The following COMMD8 variants were observed in gnomAD, a reference collection of about 807,000 sequenced individuals.
The protein encoded by COMMD8 is COMM domain-containing protein 8.
In COMMD8, 28 loss-of-function variants were observed where a neutral mutation model predicts 27.2. That is an observed-to-expected ratio of 1.03 (90% confidence interval 0.76 to 1.41). The LOEUF is 1.41. Ranked by LOEUF, COMMD8 falls within the 40% of genes most tolerant of loss-of-function variation. The pLI, the probability that COMMD8 is intolerant of heterozygous loss-of-function variation, is 0.00. For missense variants in COMMD8, 217 were observed against 211.2 expected, an observed-to-expected ratio of 1.03 and a Z score of -0.17; for synonymous variants, 79 against 75.5, an observed-to-expected ratio of 1.05 and a Z score of -0.24.
chr4:47,456,420 T>C (rs941284977), intron 3 of COMMD8, among the ~76,000 whole-genome samples, 157 bp downstream of exon 3: 3 of 150,766 alleles, frequency 2.0e-5, no homozygotes, highest in African/African-American at 7.3e-5. Flanking sequence ...AGTGTACTTA[T>C]GCCCAAGTTA....
intron 1 of COMMD8, 56 bp downstream of exon 1, chr4:47,463,530 G>C (rs1273571392): frequency 6.7e-7 from 1 of 1,497,944 alleles, no homozygotes; most frequent in East Asian, 2.5e-5. Flanking sequence ...TGATCCGCAC[G>C]CCGGGCTGTC....
intron 1 of COMMD8, among the ~76,000 whole-genome samples, chr4:47,462,134 G>C (rs1037837891): frequency 4.6e-5 from 7 of 152,172 alleles, no homozygotes; most frequent in Admixed American, 4.6e-4. Context: ...ACTTCAATCT[G>C]TGCTCAACCG....
At chr4:47,457,373 A>G (rs1350177804) in intron 2 of COMMD8, among the ~76,000 whole-genome samples, 1 of 152,184 alleles carries the variant, frequency 6.6e-6, no homozygotes, top group East Asian at 1.9e-4. Flanking sequence ...ATACTAAAAG[A>G]AATGAATAAA....
At chr4:47,463,531 C>T in intron 1 of COMMD8, 55 bp downstream of exon 1, 1 of 1,503,174 alleles carries the variant, frequency 6.7e-7, no homozygotes, top group Non-Finnish European at 9.0e-7. Context: ...GATCCGCACG[C>T]CGGGCTGTCG....
In COMMD8 at chr4:47,456,573, T is replaced by C; in HGVS notation, c.375+4A>G. The C allele has an allele frequency of 6.2e-7, 1 of 1,601,738 alleles. No individual in the cohort carries two copies. The highest frequency in any genetic ancestry group is 8.5e-7 in the Non-Finnish European group (1 of 1,174,980). On this transcript the variant is annotated splice_donor_region_variant and intron_variant, in intron 3 of 4. Transcript: ENST00000381571. ...AAAAAATACACATACTCATAGACTC[T>C]TACCTTTACCTGCCAATCAAAATCC...
At chr4:47,463,505 G>A (rs978103099) in intron 1 of COMMD8, 81 bp downstream of exon 1, 5 of 1,369,916 alleles carry the variant, frequency 3.6e-6, no homozygotes, top group Admixed American at 2.1e-5. Context: ...GAAGGCGTCC[G>A]GGTCGCACCC....
chr4:47,460,235 G>A lies in COMMD8; in HGVS notation c.131C>T (p.Thr44Ile), dbSNP rs1729990076. 2 of 1,613,148 alleles carry A rather than the reference G, an allele frequency of 1.2e-6. No homozygotes were observed. The highest frequency in any genetic ancestry group is 4.5e-5 in the East Asian group (2 of 44,766). ...CATCCATTCTTCTGATTCCCAAACA[G>A]TGTGATAATCTTGGTACACAGGATA... ...RAYPVYQDYH[T>I]VWESEEWMHV... The change falls in exon 2 of 5, where the codon ACT becomes ATT. Residue 44 changes from threonine to isoleucine, a missense_variant. Coordinates refer to ENST00000381571, the MANE Select transcript of COMMD8 (RefSeq NM_017845.5).
chr4:47,454,775 G>A (rs1405912748), intron 3 of COMMD8, among the ~76,000 whole-genome samples: 1 of 138,188 alleles, frequency 7.2e-6, no homozygotes, highest in Non-Finnish European at 1.5e-5. Context: ...TGAGGCAGGA[G>A]AATCACTTGA....
rs768545269 is a variant in COMMD8 at position 47,460,311 on chromosome 4, A to T, written c.67-12T>A. On this transcript the variant is annotated splice_polypyrimidine_tract_variant and intron_variant, in intron 1 of 4. Coordinates refer to ENST00000381571, the MANE Select transcript of COMMD8 (RefSeq NM_017845.5). ...ATTTTGTGAAGAAGCTAGCAAGAAA[A>T]AAGGAAATAAATGTACTTATAAGTA... 1 of 1,607,156 alleles carries T rather than the reference A, an allele frequency of 6.2e-7. No individual in the cohort carries two copies. Among genetic ancestry groups the T allele is most frequent in the Non-Finnish European group, 8.5e-7 (1 of 1,176,614 alleles).
At chr4:47,461,770 T>A (rs541573264) in intron 1 of COMMD8, among the ~76,000 whole-genome samples, 1 of 152,270 alleles carries the variant, frequency 6.6e-6, no homozygotes, top group South Asian at 2.1e-4. Context: ...AACTCTGAAG[T>A]AACCATTGTT....
intron 1 of COMMD8, among the ~76,000 whole-genome samples, chr4:47,461,966 G>C (rs1730036839): frequency 6.6e-6 from 1 of 152,112 alleles, no homozygotes; most frequent in African/African-American, 2.4e-5. Flanking sequence ...ATCTTAAAAG[G>C]ATGAGTAGTT....
chr4:47,456,687 T>C lies in COMMD8; in HGVS notation c.265A>G (p.Thr89Ala). 1.9e-6 allele frequency: 3 copies of C among 1,607,562 alleles called. No homozygotes were observed. Among genetic ancestry groups the C allele is most frequent in the Non-Finnish European group, 2.5e-6 (3 of 1,177,708 alleles). Reference protein sequence around the residue: ...LNQLNSLHQETIMKCVKSRKD... With the variant: ...LNQLNSLHQEAIMKCVKSRKD... The stretch of plus-strand genomic sequence containing the variant: ...CTACTTTTCACGCATTTCATGATAG[T>C]TTCTTGATGAAGTGAATTCAACTGA... The change falls in exon 3 of 5, where the codon ACT becomes GCT. Residue 89 changes from threonine (T) to alanine (A), a missense_variant. Thr to Ala is a moderately conservative substitution (Grantham distance 58, BLOSUM62 0). Transcript: ENST00000381571.
chr4:47,463,446 A>C, intron 1 of COMMD8, 140 bp downstream of exon 1: 1 of 794,684 alleles, frequency 1.3e-6, no homozygotes, highest in Non-Finnish European at 2.0e-6. Context: ...GGCGGGGACC[A>C]ACCACCCGAA....
At chr4:47,460,518 AT>A (rs1319110281) in intron 1 of COMMD8, among the ~76,000 whole-genome samples, 2 of 151,794 alleles carry the variant, frequency 1.3e-5, no homozygotes, top group African/African-American at 4.9e-5. Context: ...AGCTAAAATA[AT>A]TTTGTTATAA....
chr4:47,462,406 G>A (rs1730083242), intron 1 of COMMD8, among the ~76,000 whole-genome samples: 1 of 152,118 alleles, frequency 6.6e-6, no homozygotes, highest in African/African-American at 2.4e-5. Flanking sequence ...CCGAAAATGA[G>A]GCTACGGGAG....
At chr4:47,455,867 A>C (rs1421454737) in intron 3 of COMMD8, among the ~76,000 whole-genome samples, 1 of 152,200 alleles carries the variant, frequency 6.6e-6, no homozygotes, top group Non-Finnish European at 1.5e-5. Context: ...TAATGTTTTA[A>C]TAATATCTTA....
In COMMD8 at chr4:47,457,132, T is replaced by C. The variant is rs61480281; in HGVS notation, c.223-403A>G. On this transcript the variant is annotated intron_variant, in intron 2 of 4. Coordinates refer to ENST00000381571, the MANE Select transcript of COMMD8 (RefSeq NM_017845.5). ...TGCACTGGTGAGTATAATGCAAACA[T>C]TGCAAAGTCAAAAAAATCCGAAATC... Among the ~76,000 whole-genome samples the C allele has an allele frequency of 6.7e-3, 1,026 of 152,272 alleles. 8 individuals are homozygous for C. Among genetic ancestry groups the C allele is most frequent in the African/African-American group, 0.023 (966 of 41,558 alleles).
Position 47,451,571 on chromosome 4 carries a change from G to A in COMMD8, c.*74C>T. 8.7e-7 allele frequency: 1 copy of A among 1,152,586 alleles called. No homozygotes were observed. The highest frequency in any genetic ancestry group is 1.3e-6 in the Non-Finnish European group (1 of 769,534). 71.4% of individuals were successfully genotyped at this position (1,152,586 alleles called of 1,614,324 possible). On this transcript the variant is annotated 3_prime_UTR_variant, in exon 5 of 5. Coordinates refer to ENST00000381571, the MANE Select transcript of COMMD8 (RefSeq NM_017845.5). ...ACAGTCAAGACATCACAAGGTTTCT[G>A]AACACGCAGTATTCACTCTGCCATA...
intron 1 of COMMD8, among the ~76,000 whole-genome samples, chr4:47,460,663 T>A (rs1051229047): frequency 6.6e-6 from 1 of 152,106 alleles, no homozygotes; most frequent in Admixed American, 6.5e-5. Context: ...TTGCTTTGCC[T>A]CCATTTTCAC....
Sources: allele counts gnomAD v4.1 joint callset (sites outside exome capture counted in the v4.1 genomes callset), GRCh38; gene constraint gnomAD v4.1.1; transcripts MANE v1.5; gene names NCBI Gene and HGNC (gene_info 2026-07-23, HGNC 2026-07-21).